Variants in AMBN observed in about 807,000 individuals in gnomAD.
The protein encoded by AMBN is enamel matrix protein.
AMBN carries 54 observed loss-of-function variants against 48.0 expected under a neutral mutation model. That is an observed-to-expected ratio of 1.12 (90% CI 0.90 to 1.41). The LOEUF (loss-of-function observed/expected upper bound fraction) is 1.41, where lower values mean the gene tolerates loss of function less well. Among genes scored for constraint, AMBN ranks in the 40% most tolerant of loss-of-function variants. The pLI is 0.00. For synonymous variants in AMBN, 186 were observed against 190.0 expected, an observed-to-expected ratio of 0.98 and a Z score of 0.17; for missense variants, 571 against 547.3, an observed-to-expected ratio of 1.04 and a Z score of -0.43.
At chr4:70,597,164 C>A in intron 3 of AMBN, 115 bp downstream of exon 3, 3 of 824,270 alleles carry the variant, frequency 3.6e-6, no homozygotes, top group Non-Finnish European at 1.9e-6. Context: ...TGGCTGTTAT[C>A]CTGAGGAGTG....
Position 70,595,190 on chromosome 4 carries a change from CT to C in AMBN, c.85-1789del, listed in dbSNP as rs367866356. On this transcript the variant is annotated intron_variant, in intron 2 of 12. Transcript: ENST00000322937. ...CATTTGTAATGCCTTTCCCTCTATT[CT>C]TTTTTTTTTTTTTTTTTTTACAGTC... is the stretch of plus-strand genomic sequence containing the variant. 4.7e-3 allele frequency among the ~76,000 whole-genome samples: 562 copies of C among 119,052 alleles called. 3 individuals are homozygous for C. Among genetic ancestry groups the C allele is most frequent in the African/African-American group, 0.015 (468 of 31,206 alleles). The allele number at this position is 119,052 out of a possible 152,430, so 78.1% of individuals were successfully genotyped here.
chr4:70,594,496 T>C (rs1368372209), intron 2 of AMBN, among the ~76,000 whole-genome samples: 1 of 152,248 alleles, frequency 6.6e-6, no homozygotes, highest in African/African-American at 2.4e-5. Context: ...ACAGTTGGCC[T>C]CAAATGAACT....
rs879495884 is a variant in AMBN, at chr4:70,601,819, C to T, written c.531+165C>T. Reference sequence around the variant, plus strand: ...TCTGAGATTTATTTTTTGAGTAAAACGTAAATATCCATTCCTATCTTTTGC... The same window carrying T: ...TCTGAGATTTATTTTTTGAGTAAAATGTAAATATCCATTCCTATCTTTTGC... On this transcript the variant is annotated intron_variant, in intron 6 of 12. Transcript: ENST00000322937. The T allele has an allele frequency of 6.8e-6, 5 of 737,102 alleles. No individual in the cohort carries two copies. In the African/African-American group the frequency reaches 7.0e-5, roughly 10 times the overall value. 45.7% of individuals were successfully genotyped at this position (737,102 alleles called of 1,614,324 possible). A position where few individuals can be genotyped will look rare whatever the true frequency, so the allele number is the denominator to read the frequency against.
intron 10 of AMBN, 21 bp downstream of exon 10, chr4:70,603,340 C>CTT: frequency 6.2e-7 from 1 of 1,613,150 alleles, no homozygotes; most frequent in Non-Finnish European, 8.5e-7. Context: ...TTTAATACCA[C>CTT]ATCTCTGTTT....
intron 1 of AMBN, among the ~76,000 whole-genome samples, chr4:70,592,620 A>C (rs1378065754): frequency 2.0e-5 from 3 of 151,946 alleles, no homozygotes. Context: ...AATTCTTTTT[A>C]ATATTAGAAG....
chr4:70,601,311 C>T, intron 5 of AMBN, 107 bp from the exon 6 acceptor site: 1 of 1,105,212 alleles, frequency 9.0e-7, no homozygotes. Flanking sequence ...AGTCTCCTAG[C>T]CTCCCTTCCA....
intron 11 of AMBN, among the ~76,000 whole-genome samples, 200 bp from the exon 12 acceptor site, chr4:70,603,677 T>A (rs114451220): frequency 4.3e-4 from 65 of 151,782 alleles, no homozygotes; most frequent in Non-Finnish European, 6.0e-4. Flanking sequence ...CACACAAGGG[T>A]ATTAAAGAAA....
At chr4:70,604,598 A>G (rs1164199512) in intron 12 of AMBN, among the ~76,000 whole-genome samples, 3 of 152,352 alleles carry the variant, frequency 2.0e-5, no homozygotes, top group South Asian at 4.1e-4. Flanking sequence ...TAACAAACAC[A>G]CACACATATT....
At chr4:70,602,740 G>T (rs1577956646) in intron 7 of AMBN, 58 bp from the exon 8 acceptor site, 17 of 1,454,978 alleles carry the variant, frequency 1.2e-5, no homozygotes, top group Middle Eastern at 4.1e-4. Context: ...ATTTTTATTT[G>T]TATTTAACTA....
intron 4 of AMBN, 74 bp from the exon 5 acceptor site, chr4:70,599,462 A>G (rs1737467573): frequency 5.9e-6 from 7 of 1,179,116 alleles, no homozygotes; most frequent in South Asian, 1.5e-5. Context: ...AAAAAGGAAA[A>G]GGAAAACCAA....
At chr4:70,592,416 CT>C (rs768372497) in intron 1 of AMBN, 43 bp downstream of exon 1, 12 of 1,607,122 alleles carry the variant, frequency 7.5e-6, no homozygotes, top group South Asian at 3.3e-5. Flanking sequence ...CCTGTAAATT[CT>C]TTTTTTCCTA....
intron 3 of AMBN, among the ~76,000 whole-genome samples, chr4:70,597,720 G>A (rs1293419116): frequency 1.3e-5 from 2 of 151,990 alleles, no homozygotes; most frequent in African/African-American, 4.8e-5. Flanking sequence ...TGAGCTAGAC[G>A]CTTATTTCAC....
At chr4:70,603,192 A>G in intron 9 of AMBN, 68 bp from the exon 10 acceptor site, 4 of 1,496,506 alleles carry the variant, frequency 2.7e-6, no homozygotes, top group Non-Finnish European at 3.7e-6. Context: ...TGTTTCATAT[A>G]CCTCAAAAAT....
intron 3 of AMBN, 31 bp downstream of exon 3, chr4:70,597,080 A>T: frequency 6.3e-7 from 1 of 1,579,424 alleles, no homozygotes; most frequent in Non-Finnish European, 8.7e-7. Context: ...TAACATATTA[A>T]CTTTACATTG....
rs748714399 is a variant in AMBN at position 70,606,231 on chromosome 4, T to C, written c.845T>C (p.Phe282Ser). The C allele has an allele frequency of 2.5e-6, 4 of 1,614,096 alleles. No individual in the cohort carries two copies. The South Asian group carries it at 4.4e-5, about 18-fold the overall frequency. ...GCCTATGGAGCCATGTTTCCAGGAT[T>C]TGGAGGCATGAGGCCCGGCTTTGAG... ...PMAYGAMFPG[F>S]GGMRPGFEGM... Residue 282 changes from phenylalanine to serine, a missense_variant, in exon 13 of 13, where the codon TTT (phenylalanine) becomes TCT (serine). By Grantham distance (155) the Phe-to-Ser change is radical. Coordinates refer to ENST00000322937, the MANE Select transcript of AMBN (RefSeq NM_016519.6).
intron 1 of AMBN, 130 bp from the exon 2 acceptor site, chr4:70,593,197 T>G (rs1737313035): frequency 3.2e-6 from 2 of 625,064 alleles, no homozygotes; most frequent in African/African-American, 3.7e-5. Flanking sequence ...GTTTTTGTTT[T>G]TGTTCTTCTA....
chr4:70,598,678 C>CA (rs33975031), intron 4 of AMBN, among the ~76,000 whole-genome samples: 84,920 of 151,854 alleles, frequency 0.56, 24,960 homozygotes, highest in African/African-American at 0.74. Context: ...AAATCTCAAA[C>CA]AATTTATGCA....
At position 70,598,321 on chromosome 4, in the gene AMBN, G is replaced by A. The variant is rs1737435421; in HGVS notation, c.136-35G>A. ...ATCAGTTGTGTCAAACACAGCATAT[G>A]CGATAAACAGTAACCCACTTTTTTT... is the stretch of plus-strand genomic sequence containing the variant. On this transcript the variant is annotated intron_variant, in intron 3 of 12. Transcript: ENST00000322937. The A allele has an allele frequency of 2.0e-6, 3 of 1,520,842 alleles. No homozygotes were observed. In the African/African-American group the frequency reaches 4.2e-5, roughly 21 times the overall value. 94.2% of individuals were successfully genotyped at this position (1,520,842 alleles called of 1,614,324 possible).
chr4:70,600,701 A>G (rs1277825707), intron 5 of AMBN, among the ~76,000 whole-genome samples: 2 of 152,246 alleles, frequency 1.3e-5, no homozygotes, highest in African/African-American at 4.8e-5. Context: ...ACAAGAAGTA[A>G]CAAAACATGG....
Sources: allele counts gnomAD v4.1 joint callset (sites outside exome capture counted in the v4.1 genomes callset), GRCh38; gene constraint gnomAD v4.1.1; transcripts MANE v1.5; gene names NCBI Gene and HGNC (gene_info 2026-07-23, HGNC 2026-07-21).